The following BIRC3 variants were observed in gnomAD, a reference collection of about 807,000 sequenced individuals.
BIRC3 encodes baculoviral IAP repeat containing 3, also known as baculoviral IAP repeat-containing protein 3.
A neutral mutation model predicts 59.0 loss-of-function variants in BIRC3; 26 were observed. The observed-to-expected ratio is 0.44, with a 90% confidence interval of 0.32 to 0.61. The LOEUF (loss-of-function observed/expected upper bound fraction) is 0.61. Ranked by LOEUF, BIRC3 falls within the 20% of genes least tolerant of loss-of-function variation. The pLI is 0.04. For missense variants in BIRC3, 641 were observed against 711.5 expected (o/e 0.90, Z 1.13); for synonymous variants, 243 against 249.2 (o/e 0.98, Z 0.24).
In BIRC3 at chr11:102,323,474, A is replaced by C. The variant is rs1380848310; in HGVS notation, c.-1036A>C. 1.1e-5 allele frequency: 2 copies of C among 188,858 alleles called. No individual in the cohort carries two copies. The highest frequency in any genetic ancestry group is 4.7e-5 in the African/African-American group (2 of 42,906). 11.7% of individuals were successfully genotyped at this position (188,858 alleles called of 1,614,324 possible). ...AACATTGAGTTGCTTCAACAGCATG[A>C]AACTGAGTCCAAAAGACCAAATGAA... On this transcript the variant is annotated 5_prime_UTR_variant, in exon 2 of 9. Transcript: ENST00000263464.
Position 102,324,383 on chromosome 11 carries a change from T to C in BIRC3, c.-127T>C, listed in dbSNP as rs1951060440. 1 of 1,092,602 alleles carries C rather than the reference T, an allele frequency of 9.2e-7. No homozygotes were observed. Among genetic ancestry groups the C allele is most frequent in the South Asian group, 1.8e-5 (1 of 54,258 alleles). 67.7% of individuals were successfully genotyped at this position (1,092,602 alleles called of 1,614,324 possible). A position where few individuals can be genotyped will look rare whatever the true frequency, so the allele number is the denominator to read the frequency against. ...TGTTGAAACTCTAAATGCATAGAAA[T>C]AAAAATAATAAAAAATTTTTCATTT... On this transcript the variant is annotated 5_prime_UTR_variant, in exon 2 of 9. Coordinates refer to ENST00000263464, the MANE Select transcript of BIRC3 (RefSeq NM_001165.5).
In BIRC3 at chr11:102,338,451, C is replaced by G. The variant is rs557624198; in HGVS notation, c.*1349C>G. ...ATCACAGATTTACATCACCGGGGAG[C>G]CTTCGTAATGAAGATCCAAAATTAC... On this transcript the variant is annotated 3_prime_UTR_variant, in exon 9 of 9. Transcript: ENST00000263464. The G allele has an allele frequency of 3.1e-5, 7 of 228,870 alleles. No homozygotes were observed. The highest frequency in any genetic ancestry group is 6.7e-5 in the African/African-American group (3 of 45,078). 14.2% of individuals were successfully genotyped at this position (228,870 alleles called of 1,614,324 possible). A position where few individuals can be genotyped will look rare whatever the true frequency, so the allele number is the denominator to read the frequency against.
intron 6 of BIRC3, 105 bp from the exon 7 acceptor site, chr11:102,335,861 G>A: frequency 8.3e-7 from 1 of 1,203,810 alleles, no homozygotes; most frequent in Non-Finnish European, 1.1e-6. Flanking sequence ...ATGCCTTACT[G>A]ATTACGAATT....
At chr11:102,321,477 C>T (rs372958301) in intron 1 of BIRC3, among the ~76,000 whole-genome samples, 2 of 152,132 alleles carry the variant, frequency 1.3e-5, no homozygotes, top group South Asian at 4.1e-4. Context: ...GCCTCAGCCT[C>T]CGGAGTAGCT....
At position 102,339,259 on chromosome 11, in the gene BIRC3, T is replaced by G. The variant is rs1233873832; in HGVS notation, c.*2157T>G. The G allele has an allele frequency of 1.0e-5, 2 of 192,194 alleles. No individual in the cohort carries two copies. Among genetic ancestry groups the G allele is most frequent in the Middle Eastern group, 1.8e-3 (1 of 570 alleles). The allele number at this position is 192,194 out of a possible 1,614,324, so 11.9% of individuals were successfully genotyped here. On this transcript the variant is annotated 3_prime_UTR_variant, in exon 9 of 9. Coordinates refer to ENST00000263464, the MANE Select transcript of BIRC3 (RefSeq NM_001165.5). ...TATACTACAGATAATATTTGAACTTTGTCATCTCACTGTAAAACTTTTGTT... is the reference window on the plus strand; with the variant it reads ...TATACTACAGATAATATTTGAACTTGGTCATCTCACTGTAAAACTTTTGTT...
intron 6 of BIRC3, among the ~76,000 whole-genome samples, chr11:102,331,595 C>T (rs149527224): frequency 4.2e-4 from 64 of 151,844 alleles, no homozygotes; most frequent in African/African-American, 1.4e-3. Flanking sequence ...ATTTTTAATC[C>T]CAGGCTAGTT....
chr11:102,328,962 A>C lies in BIRC3; in HGVS notation c.1081+17A>C. The C allele has an allele frequency of 7.0e-7, 1 of 1,423,410 alleles. No homozygotes were observed. The highest frequency in any genetic ancestry group is 2.8e-5 in the East Asian group (1 of 35,264). The allele number at this position is 1,423,410 out of a possible 1,614,324, so 88.2% of individuals were successfully genotyped here. ...AGTCATCAAGTAAGTACAATGGATA[A>C]TAATGAATGCATTTAAATAGAGTCA... is the stretch of plus-strand genomic sequence containing the variant. On this transcript the variant is annotated intron_variant, in intron 5 of 8. Coordinates refer to ENST00000263464, the MANE Select transcript of BIRC3 (RefSeq NM_001165.5).
rs1951060947 is a variant in BIRC3, at chr11:102,324,456, A to C, written c.-54A>C. The stretch of plus-strand genomic sequence containing the variant: ...AACTGATAAAAGCAAAGCCATGCAC[A>C]AAACTACCTCCCTAGAGAAAGGCTA... On this transcript the variant is annotated 5_prime_UTR_variant, in exon 2 of 9. Transcript: ENST00000263464. The C allele has an allele frequency of 9.8e-6, 15 of 1,526,966 alleles. No homozygotes were observed. The highest frequency in any genetic ancestry group is 1.1e-5 in the Non-Finnish European group (13 of 1,141,350). The allele number at this position is 1,526,966 out of a possible 1,614,324, so 94.6% of individuals were successfully genotyped here.
In BIRC3 at chr11:102,338,315, G is replaced by A. The variant is rs1312982270; in HGVS notation, c.*1213G>A. The stretch of plus-strand genomic sequence containing the variant: ...AACCAGTTCTAGATGTCTGTATAGG[G>A]GCAGATGGCTCTGTAAGGGCAGAAG... On this transcript the variant is annotated 3_prime_UTR_variant, in exon 9 of 9. Transcript: ENST00000263464. 4.4e-6 allele frequency: 1 copy of A among 228,428 alleles called. No individual in the cohort carries two copies. Among genetic ancestry groups the A allele is most frequent in the Non-Finnish European group, 8.7e-6 (1 of 115,110 alleles). 14.2% of individuals were successfully genotyped at this position (228,428 alleles called of 1,614,324 possible).
chr11:102,329,044 T>C, intron 5 of BIRC3, 99 bp downstream of exon 5: 1 of 660,898 alleles, frequency 1.5e-6, no homozygotes, highest in Non-Finnish European at 2.4e-6. Context: ...TATTGATTTA[T>C]AATTTACGAT....
intron 1 of BIRC3, among the ~76,000 whole-genome samples, chr11:102,317,909 G>T (rs1049833451): frequency 1.3e-5 from 2 of 152,180 alleles, no homozygotes; most frequent in African/African-American, 4.8e-5. Context: ...TTTCAGGACA[G>T]AGCCTAAGGC....
In BIRC3 at chr11:102,324,205, G is replaced by A. The variant is rs1841953900; in HGVS notation, c.-305G>A. The A allele has an allele frequency of 3.7e-6, 1 of 271,746 alleles. No homozygotes were observed. The highest frequency in any genetic ancestry group is 7.0e-6 in the Non-Finnish European group (1 of 143,250). 16.8% of individuals were successfully genotyped at this position (271,746 alleles called of 1,614,324 possible). On this transcript the variant is annotated 5_prime_UTR_variant, in exon 2 of 9. Coordinates refer to ENST00000263464, the MANE Select transcript of BIRC3 (RefSeq NM_001165.5). The stretch of plus-strand genomic sequence containing the variant: ...CCTGCCATTAAATGGCATCCTGATG[G>A]CTTAATACACATCACTCTTCTGTGA...
intron 6 of BIRC3, among the ~76,000 whole-genome samples, chr11:102,332,098 C>A (rs891007890): frequency 6.6e-6 from 1 of 152,208 alleles, no homozygotes; most frequent in Non-Finnish European, 1.5e-5. Context: ...TATACTGTTT[C>A]ACAATCTCTT....
intron 3 of BIRC3, among the ~76,000 whole-genome samples, 166 bp from the exon 4 acceptor site, chr11:102,327,886 T>G (rs1338533973): frequency 6.6e-6 from 1 of 152,230 alleles, no homozygotes; most frequent in Non-Finnish European, 1.5e-5. Context: ...GTATTTATTC[T>G]TCTAACATTA....
At chr11:102,328,025 T>G (rs1253237366) in intron 3 of BIRC3, 27 bp from the exon 4 acceptor site, 2 of 1,552,562 alleles carry the variant, frequency 1.3e-6, no homozygotes, top group African/African-American at 1.4e-5. Flanking sequence ...AAATAATCCC[T>G]CAAATTTTAT....
At chr11:102,335,866 C>T (rs1212654315) in intron 6 of BIRC3, 100 bp from the exon 7 acceptor site, 23 of 1,253,004 alleles carry the variant, frequency 1.8e-5, no homozygotes, top group African/African-American at 7.6e-5. Context: ...TTACTGATTA[C>T]GAATTAAAGA....
At chr11:102,332,898 G>A (rs1056825670) in intron 6 of BIRC3, among the ~76,000 whole-genome samples, 1 of 152,152 alleles carries the variant, frequency 6.6e-6, no homozygotes, top group African/African-American at 2.4e-5. Context: ...CTTAGTGGTA[G>A]CCATTTGTCA....
chr11:102,323,676 C>T lies in BIRC3; in HGVS notation c.-834C>T, dbSNP rs966457026. On this transcript the variant is annotated 5_prime_UTR_variant, in exon 2 of 9. Transcript: ENST00000263464. ...TTAGCCAGTCCTGTTACTAGTAAAT[C>T]TCTTTATTTGGAGAGAAATTTTAGA... is the stretch of plus-strand genomic sequence containing the variant. The T allele has an allele frequency of 1.5e-5, 3 of 196,994 alleles. No homozygotes were observed. In the Admixed American group the frequency reaches 1.8e-4, roughly 12 times the overall value. The allele number at this position is 196,994 out of a possible 1,614,324, so 12.2% of individuals were successfully genotyped here. A position where few individuals can be genotyped will look rare whatever the true frequency, so the allele number is the denominator to read the frequency against.
intron 6 of BIRC3, 70 bp downstream of exon 6, chr11:102,331,311 T>C (rs1951136853): frequency 2.1e-6 from 3 of 1,426,248 alleles, no homozygotes; most frequent in East Asian, 2.5e-5. Flanking sequence ...ATGAAAAATA[T>C]ACTCATCTAG....
Sources: allele counts gnomAD v4.1 joint callset (sites outside exome capture counted in the v4.1 genomes callset), GRCh38; gene constraint gnomAD v4.1.1; transcripts MANE v1.5; gene names NCBI Gene and HGNC (gene_info 2026-07-23, HGNC 2026-07-21).